The following CDH13 variants were observed in gnomAD, a reference collection of about 807,000 sequenced individuals.
CDH13 encodes cadherin 13, also known as cadherin-13.
In CDH13, 24 loss-of-function variants were observed where a neutral mutation model predicts 63.8. That is an observed-to-expected ratio of 0.38 (90% confidence interval 0.27 to 0.53). The LOEUF (loss-of-function observed/expected upper bound fraction) is 0.53. Ranked by LOEUF, CDH13 falls within the 20% of genes least tolerant of loss-of-function variation. CDH13 has a pLI of 0.85. For synonymous variants in CDH13, 503 were observed against 355.3 expected, an observed-to-expected ratio of 1.42 and a Z score of -4.67; for missense variants, 1,049 against 903.1, an observed-to-expected ratio of 1.16 and a Z score of -2.07.
chr16:83,456,755 A>C (rs2073035298), intron 6 of CDH13, among the ~76,000 whole-genome samples: 1 of 152,172 alleles, frequency 6.6e-6, no homozygotes, highest in Non-Finnish European at 1.5e-5. Flanking sequence ...TGAGGTCAGG[A>C]GTTCGAGACC....
chr16:83,404,739 A>C (rs1276139494), intron 6 of CDH13, among the ~76,000 whole-genome samples: 2 of 152,200 alleles, frequency 1.3e-5, no homozygotes, highest in African/African-American at 4.8e-5. Context: ...AAATTGTGTT[A>C]AGAAACAAAC....
intron 7 of CDH13, among the ~76,000 whole-genome samples, chr16:83,588,971 A>G (rs919804294): frequency 6.6e-6 from 1 of 152,186 alleles, no homozygotes; most frequent in Admixed American, 6.5e-5. Context: ...TGTGGCTTCC[A>G]TAACAAATGA....
intron 6 of CDH13, among the ~76,000 whole-genome samples, chr16:83,385,750 G>C (rs1039797703): frequency 6.6e-6 from 1 of 152,020 alleles, no homozygotes. Context: ...GAGAATATAT[G>C]GGAACCTCCT....
At chr16:83,374,499 C>T (rs1287516031) in intron 6 of CDH13, among the ~76,000 whole-genome samples, 1 of 152,180 alleles carries the variant, frequency 6.6e-6, no homozygotes, top group Non-Finnish European at 1.5e-5. Flanking sequence ...AATAGTGCAA[C>T]ATCTACGTAG....
intron 6 of CDH13, among the ~76,000 whole-genome samples, chr16:83,382,370 ATTCTGGGGTTATTT>A (rs2091584152): frequency 6.6e-6 from 1 of 152,188 alleles, no homozygotes; most frequent in South Asian, 2.1e-4. Context: ...GAAATATTTT[ATTCTGGGGTTATTT>A]TAAATGTACA....
chr16:82,726,397 G>T (rs1271411992), intron 1 of CDH13, among the ~76,000 whole-genome samples: 5 of 152,194 alleles, frequency 3.3e-5, no homozygotes, highest in Non-Finnish European at 5.9e-5. Flanking sequence ...GGACATTGCA[G>T]CTGGAATTTC....
intron 5 of CDH13, among the ~76,000 whole-genome samples, chr16:83,265,531 C>G (rs973772368): frequency 6.6e-6 from 1 of 152,020 alleles, no homozygotes; most frequent in African/African-American, 2.4e-5. Flanking sequence ...CTTATGACCA[C>G]TCTGTTGTTG....
intron 2 of CDH13, among the ~76,000 whole-genome samples, chr16:82,918,059 G>C (rs1388728949): frequency 1.3e-5 from 2 of 152,148 alleles, no homozygotes; most frequent in Non-Finnish European, 2.9e-5. Context: ...AAAGAGGTTT[G>C]TTTTGGCAGT....
intron 4 of CDH13, among the ~76,000 whole-genome samples, chr16:83,165,818 C>T (rs2037639968): frequency 6.6e-6 from 1 of 152,020 alleles, no homozygotes. Flanking sequence ...TCTAGGTCAC[C>T]TTACCTCTCC....
In CDH13 at chr16:83,787,525, T is replaced by G. The variant is rs558879297; in HGVS notation, c.2134+4053T>G. 2.6e-5 allele frequency among the ~76,000 whole-genome samples: 4 copies of G among 152,282 alleles called. No individual in the cohort carries two copies. The South Asian group carries it at 8.3e-4, about 32-fold the overall frequency. ...TTATCAGCAGACACATTCGAATCAT[T>G]TACTATGACCAACGCTACTACAGTA... On this transcript the variant is annotated intron_variant, in intron 13 of 13. Coordinates refer to ENST00000567109, the MANE Select transcript of CDH13 (RefSeq NM_001257.5).
rs144826692 is a variant in CDH13 at position 83,514,180 on chromosome 16, T to A, written c.960+27525T>A. On this transcript the variant is annotated intron_variant, in intron 7 of 13. Transcript: ENST00000567109. ...ACATGCACTTAATCCTCACAATTAC[T>A]CCATGCAATAAATCCCATTATCACT... 3.9e-4 allele frequency among the ~76,000 whole-genome samples: 60 copies of A among 152,324 alleles called. No homozygotes were observed. In the East Asian group the frequency reaches 6.2e-3, roughly 16 times the overall value.
intron 3 of CDH13, among the ~76,000 whole-genome samples, chr16:83,112,858 G>A (rs9930149): frequency 0.51 from 76,760 of 151,998 alleles, 19,908 homozygotes; most frequent in Middle Eastern, 0.6. Context: ...TTTATAGTCA[G>A]TATATTTGGC....
At chr16:82,705,062 A>T in intron 1 of CDH13, 1 of 439,474 alleles carries the variant, frequency 2.3e-6, no homozygotes, top group Non-Finnish European at 4.5e-6. Flanking sequence ...ATTCTTGTAG[A>T]CACCAGTGAG....
intron 1 of CDH13, among the ~76,000 whole-genome samples, chr16:82,745,220 A>G (rs1374489576): frequency 6.6e-6 from 1 of 152,192 alleles, no homozygotes; most frequent in Admixed American, 6.5e-5. Flanking sequence ...GGGCGATGCC[A>G]TTCCAATGGT....
chr16:83,330,151 C>A (rs1454876358), intron 5 of CDH13, among the ~76,000 whole-genome samples: 1 of 152,054 alleles, frequency 6.6e-6, no homozygotes, highest in African/African-American at 2.4e-5. Flanking sequence ...GATACAAGAA[C>A]CTGCACATGT....
chr16:83,437,810 G>C (rs1374096054), intron 6 of CDH13, among the ~76,000 whole-genome samples: 1 of 152,118 alleles, frequency 6.6e-6, no homozygotes, highest in African/African-American at 2.4e-5. Flanking sequence ...ATGTATAATA[G>C]TTTGGCCAAA....
At chr16:83,719,322 A>G (rs1431475627) in intron 10 of CDH13, among the ~76,000 whole-genome samples, 1 of 152,098 alleles carries the variant, frequency 6.6e-6, no homozygotes, top group African/African-American at 2.4e-5. Context: ...TGTGAAGTCT[A>G]TTACCTCATT....
At chr16:82,851,664 C>T (rs2039492973) in intron 1 of CDH13, among the ~76,000 whole-genome samples, 1 of 109,556 alleles carries the variant, frequency 9.1e-6, no homozygotes, top group Non-Finnish European at 2.0e-5. Flanking sequence ...TGAGTACATG[C>T]ACATGTGTGT....
chr16:82,935,479 C>G (rs1253768098), intron 2 of CDH13, among the ~76,000 whole-genome samples: 1 of 152,284 alleles, frequency 6.6e-6, no homozygotes, highest in East Asian at 1.9e-4. Flanking sequence ...GATCTGTGTG[C>G]TATTTGAATA....
Sources: allele counts gnomAD v4.1 joint callset (sites outside exome capture counted in the v4.1 genomes callset), GRCh38; gene constraint gnomAD v4.1.1; transcripts MANE v1.5; gene names NCBI Gene and HGNC (gene_info 2026-07-23, HGNC 2026-07-21).